The following PRKACB variants were observed in gnomAD, a reference collection of about 807,000 sequenced individuals.
PRKACB encodes cAMP-dependent protein kinase catalytic subunit beta.
A neutral mutation model predicts 51.4 loss-of-function variants in PRKACB; 16 were observed. The ratio of observed to expected loss-of-function variants is 0.31; its 90% CI spans 0.21 to 0.47. PRKACB has a LOEUF of 0.47. PRKACB is among the 20% of genes least tolerant of loss of function. The probability of loss-of-function intolerance (pLI) is 1.00; values close to 1 mark genes in which losing one functional copy is unlikely to be tolerated. For synonymous variants in PRKACB, 147 were observed against 154.4 expected (o/e 0.95, Z 0.35); for missense variants, 309 against 464.5 (o/e 0.67, Z 3.08).
chr1:84,182,375 A>T (rs1186365357), intron 3 of PRKACB, 47 bp downstream of exon 3: 3 of 1,440,192 alleles, frequency 2.1e-6, no homozygotes, highest in Non-Finnish European at 2.8e-6. Flanking sequence ...CTTTAGTTTT[A>T]TCAGCTAGAC....
chr1:84,150,635 C>A (rs1014786624), intron 1 of PRKACB, among the ~76,000 whole-genome samples: 4 of 152,146 alleles, frequency 2.6e-5, no homozygotes, highest in Admixed American at 2.6e-4. Flanking sequence ...TTCCCCCTCT[C>A]TCTTGCTCCC....
chr1:84,232,650 CCTTTA>C (rs1177761183), intron 9 of PRKACB, among the ~76,000 whole-genome samples: 6 of 152,056 alleles, frequency 3.9e-5, no homozygotes, highest in African/African-American at 1.5e-4. Context: ...TGAATTGATC[CCTTTA>C]CCATTATGTA....
At chr1:84,088,786 C>G (rs143572645) in intron 1 of PRKACB, among the ~76,000 whole-genome samples, 31 of 152,248 alleles carry the variant, frequency 2.0e-4, no homozygotes, top group African/African-American at 6.7e-4. Flanking sequence ...AGGCACTATG[C>G]TAGTCTGTAG....
intron 7 of PRKACB, 89 bp downstream of exon 7, chr1:84,197,913 T>A: frequency 1.1e-6 from 1 of 880,784 alleles, no homozygotes; most frequent in Non-Finnish European, 1.7e-6. Context: ...TGATCTAATT[T>A]TACATTTTTA....
At position 84,161,041 on chromosome 1, in the gene PRKACB, TTCCATCAA is replaced by T; in HGVS notation, c.187+16495_187+16502del. On this transcript the variant is annotated intron_variant, in intron 1 of 9. Transcript: ENST00000370685. ...TCTTTTCCAATTTCCTGTCTAGTTT[TTCCATCAA>T]TTATTGAGAGAGAAGTATGGAAATT... Among the ~76,000 whole-genome samples, 4 of 152,024 alleles carry T rather than the reference TTCCATCAA, an allele frequency of 2.6e-5. No individual in the cohort carries two copies. In the South Asian group the frequency reaches 8.3e-4, roughly 31 times the overall value.
At chr1:84,203,813 A>T (rs984147624) in intron 8 of PRKACB, among the ~76,000 whole-genome samples, 1 of 151,450 alleles carries the variant, frequency 6.6e-6, no homozygotes, top group Admixed American at 6.6e-5. Flanking sequence ...TTTATTTTTT[A>T]TTTGTTTGCT....
intron 1 of PRKACB, among the ~76,000 whole-genome samples, chr1:84,149,628 C>A (rs1193420473): frequency 1.3e-5 from 2 of 152,026 alleles, no homozygotes; most frequent in Non-Finnish European, 2.9e-5. Flanking sequence ...AAGAGTTGTT[C>A]TACAATACTA....
intron 9 of PRKACB, among the ~76,000 whole-genome samples, chr1:84,223,873 G>A (rs954364939): frequency 6.6e-6 from 1 of 152,064 alleles, no homozygotes; most frequent in Non-Finnish European, 1.5e-5. Context: ...TTCTTTTGGA[G>A]GTGTCATGTT....
At chr1:84,226,721 A>G (rs1017255273) in intron 9 of PRKACB, among the ~76,000 whole-genome samples, 1 of 152,072 alleles carries the variant, frequency 6.6e-6, no homozygotes, top group African/African-American at 2.4e-5. Context: ...TTTAGTACAT[A>G]TATTAGAATG....
intron 9 of PRKACB, among the ~76,000 whole-genome samples, chr1:84,214,527 CTG>C (rs886660428): frequency 1.4e-5 from 2 of 142,212 alleles, no homozygotes; most frequent in African/African-American, 2.6e-5. Context: ...GAGTCTCACT[CTG>C]TAGTCCACGC....
chr1:84,198,976 CATATATGT>C (rs1054014278), intron 7 of PRKACB, among the ~76,000 whole-genome samples: 1 of 142,484 alleles, frequency 7.0e-6, no homozygotes, highest in African/African-American at 2.7e-5. Context: ...TGTGTATACG[CATATATGT>C]ATATATGTAT....
intron 1 of PRKACB, among the ~76,000 whole-genome samples, chr1:84,125,951 C>T (rs1571686311): frequency 6.6e-6 from 1 of 152,174 alleles, no homozygotes; most frequent in African/African-American, 2.4e-5. Context: ...GACTTGTTTA[C>T]TCAGCTCGCA....
At chr1:84,103,851 C>T (rs1271968154) in intron 1 of PRKACB, among the ~76,000 whole-genome samples, 1 of 152,142 alleles carries the variant, frequency 6.6e-6, no homozygotes, top group Non-Finnish European at 1.5e-5. Flanking sequence ...TTAGTTGACA[C>T]ATAATAATTG....
intron 8 of PRKACB, among the ~76,000 whole-genome samples, chr1:84,206,038 G>A (rs1320304445): frequency 6.6e-6 from 1 of 152,098 alleles, no homozygotes; most frequent in Non-Finnish European, 1.5e-5. Flanking sequence ...TTGTCTGGCT[G>A]CGTTACCCAT....
chr1:84,133,246 GA>G (rs1001406685), intron 1 of PRKACB, among the ~76,000 whole-genome samples: 5 of 151,314 alleles, frequency 3.3e-5, no homozygotes, highest in Non-Finnish European at 7.4e-5. Context: ...AAAGTTGAAA[GA>G]AAAAAAATAC....
chr1:84,118,717 C>T (rs1427977789), intron 1 of PRKACB, among the ~76,000 whole-genome samples: 1 of 151,996 alleles, frequency 6.6e-6, no homozygotes, highest in Non-Finnish European at 1.5e-5. Flanking sequence ...GCATCAGTGA[C>T]TACAGTAGGA....
In PRKACB at chr1:84,214,290, A is replaced by G. The variant is rs371312432; in HGVS notation, c.1044A>G (p.Thr348=). The part of the protein sequence containing the change: ...DIKTHKWFAT[T]DWIAIYQRKV... The stretch of plus-strand genomic sequence containing the variant: ...AAACTCACAAGTGGTTTGCCACGAC[A>G]GATTGGATTGCTATTTACCAGAGGA... Residue 348 remains threonine (T), a synonymous_variant, in exon 9 of 10, where the codon ACA becomes ACG. Transcript: ENST00000370685. 6.2e-5 allele frequency: 99 copies of G among 1,606,070 alleles called. No homozygotes were observed. The East Asian group carries it at 2.2e-3, about 35-fold the overall frequency.
intron 9 of PRKACB, among the ~76,000 whole-genome samples, chr1:84,223,786 A>C (rs1287422743): frequency 6.6e-6 from 1 of 151,966 alleles, no homozygotes; most frequent in Non-Finnish European, 1.5e-5. Flanking sequence ...GAGCTTCTTT[A>C]ATATCATTAG....
At chr1:84,078,453 GCCGCGGGCACGGGCCAGGCCTAGCA>G (rs1647260378) in intron 1 of PRKACB, 1 of 1,535,240 alleles carries the variant, frequency 6.5e-7, no homozygotes, top group Non-Finnish European at 8.8e-7. Context: ...AGCTTCTGAG[GCCGCGGGCACGGGCCAGGCCTAGCA>G]GCGGCCGCCG....
Sources: allele counts gnomAD v4.1 joint callset (sites outside exome capture counted in the v4.1 genomes callset), GRCh38; gene constraint gnomAD v4.1.1; transcripts MANE v1.5; gene names NCBI Gene and HGNC (gene_info 2026-07-23, HGNC 2026-07-21).